The following CSMD1 variants were observed in gnomAD, a reference collection of about 807,000 sequenced individuals.
The protein encoded by CSMD1 is CUB and Sushi multiple domains 1.
Under a neutral mutation model 417.5 loss-of-function variants are expected in CSMD1, and 213 were observed. The ratio of observed to expected loss-of-function variants is 0.51; its 90% CI spans 0.46 to 0.57. The LOEUF (loss-of-function observed/expected upper bound fraction) is 0.57. Ranked by LOEUF, CSMD1 falls within the 20% of genes least tolerant of loss-of-function variation. CSMD1 has a pLI of 0.00. For synonymous variants in CSMD1, 2,862 were observed against 1,736.8 expected, an observed-to-expected ratio of 1.65 and a Z score of -16.11; for missense variants, 6,923 against 4,529.7, an observed-to-expected ratio of 1.53 and a Z score of -15.17.
At chr8:3,754,994 A>G (rs1244575828) in intron 5 of CSMD1, among the ~76,000 whole-genome samples, 1 of 152,212 alleles carries the variant, frequency 6.6e-6, no homozygotes, top group Non-Finnish European at 1.5e-5. Flanking sequence ...AGATGCAATC[A>G]ATTTCTGGTT....
chr8:4,440,358 T>C (rs1798396869), intron 2 of CSMD1, among the ~76,000 whole-genome samples: 2 of 152,192 alleles, frequency 1.3e-5, no homozygotes, highest in African/African-American at 2.4e-5. Flanking sequence ...ATTACATATT[T>C]ATGCAATTAT....
intron 1 of CSMD1, among the ~76,000 whole-genome samples, chr8:4,677,908 T>C (rs1232716455): frequency 2.6e-5 from 4 of 152,120 alleles, no homozygotes; most frequent in Admixed American, 2.6e-4. Flanking sequence ...TGACATTTAA[T>C]GAACTATATA....
At position 3,106,656 on chromosome 8, in the gene CSMD1, G is replaced by A. The variant is rs972307306; in HGVS notation, c.6836-15C>T. ...CACAAAATCTCCTAGAAGAGTCAATGCAACAAACCAGGAAATTGTGTGTGA... is the reference window on the plus strand; with the variant it reads ...CACAAAATCTCCTAGAAGAGTCAATACAACAAACCAGGAAATTGTGTGTGA... On this transcript the variant is annotated splice_polypyrimidine_tract_variant and intron_variant, in intron 45 of 69. Transcript: ENST00000635120. The A allele has an allele frequency of 6.5e-7, 1 of 1,538,242 alleles. No homozygotes were observed. The highest frequency in any genetic ancestry group is 9.0e-7 in the Non-Finnish European group (1 of 1,113,028).
intron 4 of CSMD1, among the ~76,000 whole-genome samples, chr8:4,003,624 A>C (rs1333530476): frequency 6.6e-6 from 1 of 152,218 alleles, no homozygotes; most frequent in Middle Eastern, 3.2e-3. Context: ...ATATACATTA[A>C]AAAGATAAAT....
intron 8 of CSMD1, among the ~76,000 whole-genome samples, chr8:3,590,406 T>C (rs1326315264): frequency 6.6e-6 from 1 of 152,198 alleles, no homozygotes; most frequent in Non-Finnish European, 1.5e-5. Context: ...CTCCAGGACC[T>C]GAACTCGGCT....
chr8:3,532,510 C>G (rs960236457), intron 10 of CSMD1, among the ~76,000 whole-genome samples: 30 of 152,140 alleles, frequency 2.0e-4, no homozygotes, highest in African/African-American at 6.8e-4. Context: ...CAACCTTCCC[C>G]TCAGATGATC....
At position 4,527,635 on chromosome 8, in the gene CSMD1, C is replaced by T. The variant is rs141045886; in HGVS notation, c.303-107570G>A. Among the ~76,000 whole-genome samples, 1,124 of 152,280 alleles carry T rather than the reference C, an allele frequency of 7.4e-3. 18 individuals carry two copies. Among genetic ancestry groups the T allele is most frequent in the African/African-American group, 0.026 (1,075 of 41,556 alleles). ...CATATTGCAGCCATAGATCCCAGAACTATAGATAAAATTTGAATACTGAAA... is the reference window on the plus strand; with the variant it reads ...CATATTGCAGCCATAGATCCCAGAATTATAGATAAAATTTGAATACTGAAA... On this transcript the variant is annotated intron_variant, in intron 2 of 69. Transcript: ENST00000635120.
intron 42 of CSMD1, among the ~76,000 whole-genome samples, chr8:3,110,676 T>C (rs1816450588): frequency 6.6e-6 from 1 of 152,226 alleles, no homozygotes; most frequent in South Asian, 2.1e-4. Flanking sequence ...CAATGAATTA[T>C]GGGGAAAGTA....
chr8:3,181,084 C>A (rs750396153), intron 37 of CSMD1, 26 bp downstream of exon 37: 2 of 1,397,456 alleles, frequency 1.4e-6, no homozygotes, highest in Admixed American at 3.4e-5. Flanking sequence ...ACAGTGGAAG[C>A]TGTATACAGA....
At chr8:4,437,804 C>T (rs1307229886) in intron 2 of CSMD1, among the ~76,000 whole-genome samples, 2 of 152,000 alleles carry the variant, frequency 1.3e-5, no homozygotes, top group African/African-American at 4.8e-5. Context: ...CTTCATAGGC[C>T]GTGTTTGGTT....
chr8:4,141,442 G>A (rs953908267), intron 3 of CSMD1, among the ~76,000 whole-genome samples: 1 of 151,134 alleles, frequency 6.6e-6, no homozygotes, highest in African/African-American at 2.5e-5. Context: ...CATTTAGATA[G>A]CATTTCACGG....
At chr8:3,779,590 T>A (rs1799068765) in intron 5 of CSMD1, among the ~76,000 whole-genome samples, 1 of 152,206 alleles carries the variant, frequency 6.6e-6, no homozygotes, top group African/African-American at 2.4e-5. Context: ...ATTATGCTGC[T>A]GAATAACCGG....
At chr8:3,884,228 C>A (rs137927973) in intron 5 of CSMD1, among the ~76,000 whole-genome samples, 223 of 152,302 alleles carry the variant, frequency 1.5e-3, no homozygotes, top group African/African-American at 5.0e-3. Flanking sequence ...CTTCCATTAT[C>A]CTTTGATACG....
intron 1 of CSMD1, among the ~76,000 whole-genome samples, chr8:4,900,230 CT>C (rs1804777820): frequency 6.6e-6 from 1 of 152,116 alleles, no homozygotes; most frequent in Non-Finnish European, 1.5e-5. Flanking sequence ...TATCTCCAAC[CT>C]CCCTTCGAGC....
At chr8:4,683,064 T>C (rs1047445238) in intron 1 of CSMD1, among the ~76,000 whole-genome samples, 1 of 149,096 alleles carries the variant, frequency 6.7e-6, no homozygotes, top group Non-Finnish European at 1.5e-5. Context: ...TCCAATGTCA[T>C]TGTGGCATAG....
chr8:3,839,566 T>C (rs1470237806), intron 5 of CSMD1, among the ~76,000 whole-genome samples: 1 of 111,284 alleles, frequency 9.0e-6, no homozygotes, highest in South Asian at 2.5e-4. Flanking sequence ...TTATAATATA[T>C]AATATTAATT....
intron 3 of CSMD1, among the ~76,000 whole-genome samples, chr8:4,226,294 T>G (rs1801351144): frequency 6.6e-6 from 1 of 152,206 alleles, no homozygotes; most frequent in Non-Finnish European, 1.5e-5. Context: ...GATAAAATAG[T>G]TGTTGACATT....
chr8:4,414,529 T>C lies in CSMD1; in HGVS notation c.415+5424A>G, dbSNP rs541770434. 4.6e-5 allele frequency among the ~76,000 whole-genome samples: 7 copies of C among 152,322 alleles called. No homozygotes were observed. The East Asian group carries it at 1.2e-3, about 25-fold the overall frequency. On this transcript the variant is annotated intron_variant, in intron 3 of 69. Transcript: ENST00000635120. ...TTTAAGAGGATCTGCTTATGCATAG[T>C]TTATAAGTAATAAACTACGATCCAT...
rs148647263 is a variant in CSMD1, at chr8:2,957,796, C to A, written c.9714G>T (p.Thr3238=). ...NSSRGYEVGS[T]VFFRCRKGYH... ...AGCCTTTTCTGCACCTGAAAAAAAC[C>A]GTGCTTCCAACCTAGAGAGGAAATC... The change falls in exon 63 of 70, where the codon ACG becomes ACT. Residue 3238 remains threonine, a synonymous_variant. Coordinates refer to ENST00000635120, the MANE Select transcript of CSMD1 (RefSeq NM_033225.6). 1 of 1,582,272 alleles carries A rather than the reference C, an allele frequency of 6.3e-7. No homozygotes were observed. The highest frequency in any genetic ancestry group is 1.2e-5 in the South Asian group (1 of 86,456).
Sources: gnomAD v4.1 joint callset for allele counts (sites outside exome capture counted in the v4.1 genomes callset) on GRCh38, gnomAD v4.1.1 for gene constraint, MANE v1.5 for transcripts, NCBI Gene and HGNC (gene_info 2026-07-23, HGNC 2026-07-21) for gene names.